Variants in RPH3A observed in about 807,000 individuals in gnomAD.
RPH3A encodes the protein rabphilin-3A.
Under a neutral mutation model 102.2 loss-of-function variants are expected in RPH3A, and 48 were observed. The observed-to-expected ratio is 0.47, with a 90% CI of 0.37 to 0.60. The LOEUF (loss-of-function observed/expected upper bound fraction) is 0.60. RPH3A is among the 20% of genes least tolerant of loss of function. The pLI, the probability that RPH3A is intolerant of heterozygous loss-of-function variation, is 0.00. For synonymous variants in RPH3A, 310 were observed against 324.3 expected (o/e 0.96, Z 0.47); for missense variants, 781 against 910.1 (o/e 0.86, Z 1.83).
At chr12:112,727,904 A>G (rs550110824) in intron 1 of RPH3A, among the ~76,000 whole-genome samples, 1 of 152,162 alleles carries the variant, frequency 6.6e-6, no homozygotes, top group South Asian at 2.1e-4. Flanking sequence ...TTCTCCTGGG[A>G]TGACGATTTC....
intron 4 of RPH3A, among the ~76,000 whole-genome samples, chr12:112,840,181 A>T (rs1047286557): frequency 2.0e-5 from 3 of 152,044 alleles, no homozygotes; most frequent in Non-Finnish European, 4.4e-5. Context: ...TTTCTTTCTA[A>T]ATTTTTAAAT....
At chr12:112,852,016 A>G (rs895395379) in intron 5 of RPH3A, among the ~76,000 whole-genome samples, 4 of 152,194 alleles carry the variant, frequency 2.6e-5, no homozygotes, top group Admixed American at 2.0e-4. Flanking sequence ...TGGGTTAAGG[A>G]TTCAGACAGA....
At chr12:112,647,967 T>C (rs540886834) in intron 1 of RPH3A, among the ~76,000 whole-genome samples, 31 of 152,188 alleles carry the variant, frequency 2.0e-4, no homozygotes, top group Non-Finnish European at 4.4e-4. Flanking sequence ...TAAGACTCAT[T>C]TTGAGGAGAC....
intron 5 of RPH3A, among the ~76,000 whole-genome samples, chr12:112,863,093 A>T (rs112795331): frequency 0.019 from 2,935 of 152,210 alleles, 114 homozygotes; most frequent in African/African-American, 0.066. Context: ...CCAAAAAAAA[A>T]CCCGAAGTGG....
At chr12:112,853,813 G>A (rs908527962) in intron 5 of RPH3A, among the ~76,000 whole-genome samples, 1 of 151,568 alleles carries the variant, frequency 6.6e-6, no homozygotes, top group Non-Finnish European at 1.5e-5. Context: ...GGGTGACAGA[G>A]CAAGACTGTC....
At chr12:112,794,134 G>C (rs1411178706) in intron 2 of RPH3A, among the ~76,000 whole-genome samples, 1 of 152,170 alleles carries the variant, frequency 6.6e-6, no homozygotes, top group Non-Finnish European at 1.5e-5. Flanking sequence ...GCATTGTGGT[G>C]CACCAGGGAA....
chr12:112,839,404 C>A (rs972960601), intron 4 of RPH3A, among the ~76,000 whole-genome samples: 1 of 152,036 alleles, frequency 6.6e-6, no homozygotes, highest in Non-Finnish European at 1.5e-5. Context: ...TACTTGTTCT[C>A]AGGGATCTGG....
At chr12:112,603,297 A>G (rs561636430) in intron 1 of RPH3A, among the ~76,000 whole-genome samples, 31 of 152,168 alleles carry the variant, frequency 2.0e-4, no homozygotes, top group South Asian at 6.2e-4. Flanking sequence ...TAGCAAAAGC[A>G]CTCTTGAAGA....
chr12:112,791,596 C>A (rs1180056934), upstream of RPH3A: 4 of 152,080 alleles, frequency 2.6e-5, no homozygotes, highest in Non-Finnish European at 4.4e-5. Context: ...CCGTTTCGAC[C>A]AGCTGGGATC....
chr12:112,774,884 A>T (rs1360774530), intron 1 of RPH3A, among the ~76,000 whole-genome samples: 2 of 152,212 alleles, frequency 1.3e-5, no homozygotes, highest in African/African-American at 4.8e-5. Context: ...TGATGGGATG[A>T]TCTGTGCAGC....
chr12:112,713,652 G>C (rs1362284934), intron 1 of RPH3A, among the ~76,000 whole-genome samples: 1 of 152,096 alleles, frequency 6.6e-6, no homozygotes, highest in Non-Finnish European at 1.5e-5. Flanking sequence ...TAATTTCTTG[G>C]TACAAAGTCA....
intron 5 of RPH3A, 135 bp downstream of exon 5, chr12:112,847,977 C>T (rs1481346680): frequency 1.2e-6 from 1 of 851,364 alleles, no homozygotes; most frequent in Non-Finnish European, 1.8e-6. Context: ...TACGGGGCCA[C>T]CTCCCCGCCC....
chr12:112,581,245 G>A (rs1338996136), intron 1 of RPH3A, among the ~76,000 whole-genome samples: 2 of 152,196 alleles, frequency 1.3e-5, no homozygotes, highest in Non-Finnish European at 2.9e-5. Flanking sequence ...CAATCACGGT[G>A]GAAGAGCAAG....
rs376599832 is a variant in RPH3A, at chr12:112,727,309, G to A, written c.-139-64834G>A. On this transcript the variant is annotated intron_variant, in intron 1 of 21. Coordinates refer to the RPH3A transcript ENST00000543106. ...GGGAGGCTGAGGCAGGAGAATTGCT[G>A]GAACCTGAGAGGTGGAAGCTGCAGT... 3.3e-5 allele frequency among the ~76,000 whole-genome samples: 5 copies of A among 150,870 alleles called. No individual in the cohort carries two copies. In the East Asian group the frequency reaches 5.8e-4, roughly 18 times the overall value.
At chr12:112,666,164 C>T (rs1355156923) in intron 1 of RPH3A, among the ~76,000 whole-genome samples, 2 of 152,180 alleles carry the variant, frequency 1.3e-5, no homozygotes, top group African/African-American at 4.8e-5. Flanking sequence ...GTGGCTGCAG[C>T]CACAATGTAG....
intron 1 of RPH3A, among the ~76,000 whole-genome samples, chr12:112,753,746 T>C (rs979671814): frequency 6.6e-6 from 1 of 152,194 alleles, no homozygotes; most frequent in Non-Finnish European, 1.5e-5. Flanking sequence ...GATGTAAGTT[T>C]GAATCCTAGT....
At chr12:112,788,132 G>A (rs866070688), upstream of RPH3A, among the ~76,000 whole-genome samples, 1 of 152,226 alleles carries the variant, frequency 6.6e-6, no homozygotes, top group Non-Finnish European at 1.5e-5. Context: ...CAGAAGAGGG[G>A]TTTGGCAGTG....
intron 1 of RPH3A, among the ~76,000 whole-genome samples, chr12:112,735,911 C>T (rs2040666242): frequency 1.3e-5 from 2 of 152,194 alleles, no homozygotes; most frequent in South Asian, 4.1e-4. Flanking sequence ...ACACGATTCC[C>T]ATTTGAGAGA....
At chr12:112,832,173 C>T (rs959353912) in intron 3 of RPH3A, among the ~76,000 whole-genome samples, 1 of 152,066 alleles carries the variant, frequency 6.6e-6, no homozygotes, top group Non-Finnish European at 1.5e-5. Flanking sequence ...TATTTTATAT[C>T]TCTTTACCTC....
Sources: gnomAD v4.1 joint callset for allele counts (sites outside exome capture counted in the v4.1 genomes callset) on GRCh38, gnomAD v4.1.1 for gene constraint, MANE v1.5 for transcripts, NCBI Gene and HGNC (gene_info 2026-07-23, HGNC 2026-07-21) for gene names.